Variants in RPS6KA6 observed in about 807,000 individuals in gnomAD.
The protein encoded by RPS6KA6 is ribosomal protein S6 kinase alpha-6.
Under a neutral mutation model 65.4 loss-of-function variants are expected in RPS6KA6, and 27 were observed. The ratio of observed to expected loss-of-function variants is 0.41; its 90% CI spans 0.30 to 0.57. The LOEUF (loss-of-function observed/expected upper bound fraction) is 0.57, where lower values mean the gene tolerates loss of function less well. Ranked by LOEUF, RPS6KA6 falls within the 20% of genes least tolerant of loss-of-function variation. The pLI, the probability that RPS6KA6 is intolerant of heterozygous loss-of-function variation, is 0.24. For synonymous variants in RPS6KA6, 190 were observed against 184.2 expected, an observed-to-expected ratio of 1.03 and a Z score of -0.26; for missense variants, 486 against 555.6, an observed-to-expected ratio of 0.87 and a Z score of 1.26.
Position 84,150,874 on chromosome X carries a change from GAT to G in RPS6KA6, c.259-2753_259-2752del, listed in dbSNP as rs1287203123. On this transcript the variant is annotated intron_variant, in intron 3 of 21. Transcript: ENST00000262752. ...ATATATATATAGAGGATATATATAG[GAT>G]ATATATATATAGAGGATATATATAG... is the stretch of plus-strand genomic sequence containing the variant. Among the ~76,000 whole-genome samples the G allele has an allele frequency of 2.4e-4, 22 of 92,334 alleles. 1 individual carries two copies. The South Asian group carries it at 8.0e-3, about 34-fold the overall frequency. The allele number at this position is 92,334 out of a possible 115,157, so 80.2% of individuals were successfully genotyped here. A position where few individuals can be genotyped will look rare whatever the true frequency, so the allele number is the denominator to read the frequency against.
chrX:84,156,166 G>A lies in RPS6KA6; in HGVS notation c.167C>T (p.Pro56Leu). Residue 56 changes from proline to leucine, a missense_variant, in exon 3 of 22, where the codon CCT becomes CTT. Around this residue, in one of 3 missense-constraint regions of RPS6KA6, gnomAD observed 106 missense variants for 105.0 expected, o/e 1.01. Coordinates refer to ENST00000262752, the MANE Select transcript of RPS6KA6 (RefSeq NM_014496.5). The stretch of plus-strand genomic sequence containing the variant: ...GCCTTCCTTAACATGATGAGTAATA[G>A]GGATTTCTTTAACAACTCCTTCATC... The part of the protein sequence containing the change: ...CHDEGVVKEI[P>L]ITHHVKEGYE... 1 of 1,164,569 alleles carries A rather than the reference G, an allele frequency of 8.6e-7. No homozygotes were observed.
intron 1 of RPS6KA6, among the ~76,000 whole-genome samples, chrX:84,165,003 G>A (rs2035575268): frequency 9.0e-6 from 1 of 111,218 alleles, no homozygotes; most frequent in Non-Finnish European, 1.9e-5. Context: ...TATAACCCAT[G>A]AGCTAAATCT....
intron 20 of RPS6KA6, among the ~76,000 whole-genome samples, chrX:84,086,135 G>T (rs1329251008): frequency 1.8e-5 from 2 of 110,582 alleles, no homozygotes; most frequent in Admixed American, 9.6e-5. Flanking sequence ...GACTTTTTGA[G>T]GGTTTTTTGT....
At chrX:84,098,933 T>C (rs760602992) in intron 18 of RPS6KA6, among the ~76,000 whole-genome samples, 53 of 111,431 alleles carry the variant, frequency 4.8e-4, no homozygotes, top group Non-Finnish European at 1.9e-4. Flanking sequence ...ACTCATATCA[T>C]GGTAAATGTT....
At chrX:84,103,313 T>C (rs1295245243) in intron 17 of RPS6KA6, among the ~76,000 whole-genome samples, 4 of 109,998 alleles carry the variant, frequency 3.6e-5, no homozygotes, top group African/African-American at 1.3e-4. Context: ...CATTAAACTC[T>C]CAGCAAAAAA....
At chrX:84,122,386 T>C (rs1280979750) in intron 8 of RPS6KA6, among the ~76,000 whole-genome samples, 1 of 93,064 alleles carries the variant, frequency 1.1e-5, no homozygotes, top group Non-Finnish European at 2.2e-5. Flanking sequence ...TTTTTTTTTT[T>C]TGAGACAGAG....
chrX:84,140,918 CAA>C (rs1424791739), intron 6 of RPS6KA6, among the ~76,000 whole-genome samples: 2 of 108,979 alleles, frequency 1.8e-5, no homozygotes, highest in Admixed American at 1.0e-4. Context: ...CCTCATAATT[CAA>C]AGAGTCTTTG....
At chrX:84,105,035 C>T (rs1327401071) in intron 16 of RPS6KA6, among the ~76,000 whole-genome samples, 1 of 110,760 alleles carries the variant, frequency 9.0e-6, no homozygotes, top group African/African-American at 3.3e-5. Context: ...AAAGTAAATA[C>T]ATTATTTATT....
Position 84,102,907 on chromosome X carries a change from G to T in RPS6KA6, c.1615-709C>A, listed in dbSNP as rs1463125706. 2.0e-4 allele frequency among the ~76,000 whole-genome samples: 22 copies of T among 110,560 alleles called. No individual in the cohort carries two copies. The Admixed American group carries it at 2.1e-3, about 11-fold the overall frequency. ...TGCTGAGTGGAGGAATATTATAAAG[G>T]AAAGAGCCAGAACTGATCCTTGTAT... is the stretch of plus-strand genomic sequence containing the variant. On this transcript the variant is annotated intron_variant, in intron 17 of 21. Transcript: ENST00000262752.
Position 84,134,765 on chromosome X carries a change from T to C in RPS6KA6, c.646+17A>G, listed in dbSNP as rs770742035. 3 of 1,070,392 alleles carry C rather than the reference T, an allele frequency of 2.8e-6. No individual in the cohort carries two copies. The South Asian group carries it at 6.5e-5, about 23-fold the overall frequency. The allele number at this position is 1,070,392 out of a possible 1,213,427, so 88.2% of individuals were successfully genotyped here. On this transcript the variant is annotated intron_variant, in intron 8 of 21. Transcript: ENST00000262752. ...ATGAATCAAGTGGCTAAGGGTATAA[T>C]AAGAAAATCTGCATACCTGTTAATT...
chrX:84,162,935 T>C (rs1311439521), intron 2 of RPS6KA6, among the ~76,000 whole-genome samples: 2 of 112,059 alleles, frequency 1.8e-5, no homozygotes, highest in Admixed American at 9.5e-5. Flanking sequence ...AAAGACAACA[T>C]TGTATCTCTC....
intron 1 of RPS6KA6, among the ~76,000 whole-genome samples, chrX:84,172,990 C>T (rs991762440): frequency 1.8e-5 from 2 of 110,438 alleles, no homozygotes; most frequent in Non-Finnish European, 1.9e-5. Context: ...TTTTGTGTAA[C>T]GTGTAAGGAG....
intron 3 of RPS6KA6, among the ~76,000 whole-genome samples, chrX:84,151,147 A>ATAG (rs1411929696): frequency 1.8e-4 from 18 of 99,624 alleles, no homozygotes; most frequent in African/African-American, 6.5e-4. Context: ...TAGGATATAT[A>ATAG]GATATATATA....
intron 2 of RPS6KA6, 48 bp from the exon 3 acceptor site, chrX:84,156,239 C>A: frequency 3.0e-6 from 2 of 670,652 alleles, no homozygotes; most frequent in Non-Finnish European, 4.8e-6. Context: ...TCAACATCTT[C>A]TGATTAGTTC....
At chrX:84,078,270 TAA>T (rs1382173068) in intron 20 of RPS6KA6, among the ~76,000 whole-genome samples, 1 of 112,180 alleles carries the variant, frequency 8.9e-6, no homozygotes, top group African/African-American at 3.2e-5. Context: ...ACACACCTTT[TAA>T]AATAGCTAAT....
chrX:84,151,109 A>AG (rs2035309316), intron 3 of RPS6KA6, among the ~76,000 whole-genome samples: 1 of 99,356 alleles, frequency 1.0e-5, no homozygotes, highest in South Asian at 4.5e-4. Context: ...AGATATATAT[A>AG]GATATATATA....
At position 84,065,026 on chromosome X, in the gene RPS6KA6, CTG is replaced by C; in HGVS notation, c.2055_2056del (p.His685GlnfsTer7). 1.7e-6 allele frequency: 2 copies of C among 1,203,391 alleles called. No homozygotes were observed. The highest frequency in any genetic ancestry group is 2.3e-6 in the Non-Finnish European group (2 of 888,730). ...TGGCTGATCATTTGGCAACTGGTCT[CTG>C]TGAGTTATCCATGAGTGCTTTAATA... On this transcript the variant is annotated frameshift_variant, in exon 21 of 22. Coordinates refer to ENST00000262752, the MANE Select transcript of RPS6KA6 (RefSeq NM_014496.5). LOFTEE classifies it high-confidence loss of function.
chrX:84,162,060 A>T (rs971884261), intron 2 of RPS6KA6, among the ~76,000 whole-genome samples: 1 of 111,609 alleles, frequency 9.0e-6, no homozygotes, highest in African/African-American at 3.3e-5. Context: ...ATGTCAGCCA[A>T]CTACTAAAGG....
chrX:84,072,301 C>A (rs182376227), intron 20 of RPS6KA6, among the ~76,000 whole-genome samples: 1 of 111,638 alleles, frequency 9.0e-6, no homozygotes, highest in Non-Finnish European at 1.9e-5. Flanking sequence ...CAAGGACAGA[C>A]GCCATATGAT....
Sources: gnomAD v4.1 joint callset for allele counts (sites outside exome capture counted in the v4.1 genomes callset) on GRCh38, gnomAD v4.1.1 for gene constraint, gnomAD v4.1.1 regional missense constraint, MANE v1.5 for transcripts, NCBI Gene and HGNC (gene_info 2026-07-23, HGNC 2026-07-21) for gene names.